FER: variants seen among roughly 807,000 people sequenced by gnomAD.
The protein encoded by FER is tyrosine-protein kinase Fer.
A neutral mutation model predicts 111.0 loss-of-function variants in FER; 63 were observed. The ratio of observed to expected loss-of-function variants is 0.57; its 90% CI spans 0.46 to 0.70. The LOEUF is 0.70. FER is among the 30% of genes least tolerant of loss of function. The probability of loss-of-function intolerance (pLI) is 0.00; values close to 1 mark genes in which losing one functional copy is unlikely to be tolerated. For synonymous variants in FER, 327 were observed against 313.9 expected (o/e 1.04, Z -0.44); for missense variants, 914 against 954.0 (o/e 0.96, Z 0.55).
intron 16 of FER, among the ~76,000 whole-genome samples, chr5:109,080,312 C>T (rs1776843115): frequency 6.6e-6 from 1 of 151,984 alleles, no homozygotes; most frequent in African/African-American, 2.4e-5. Context: ...AAGTGGCTTA[C>T]TAGTCTGTGC....
chr5:108,751,395 G>A (rs1437663624), intron 1 of FER, among the ~76,000 whole-genome samples: 1 of 152,120 alleles, frequency 6.6e-6, no homozygotes, highest in Non-Finnish European at 1.5e-5. Context: ...GAGGTAGGAA[G>A]TCATCATCTT....
chr5:109,128,747 GTTA>G (rs997382421), intron 17 of FER, among the ~76,000 whole-genome samples: 6 of 152,024 alleles, frequency 3.9e-5, no homozygotes, highest in Non-Finnish European at 8.8e-5. Flanking sequence ...ATTTAAATGA[GTTA>G]TTATTTTAAT....
intron 16 of FER, among the ~76,000 whole-genome samples, chr5:109,079,171 T>C (rs182965453): frequency 2.0e-5 from 3 of 152,274 alleles, no homozygotes; most frequent in Admixed American, 2.0e-4. Flanking sequence ...CAGACCTATT[T>C]TATCTTATTA....
intron 17 of FER, among the ~76,000 whole-genome samples, chr5:109,121,670 A>G (rs1582126293): frequency 6.6e-6 from 1 of 152,100 alleles, no homozygotes; most frequent in East Asian, 1.9e-4. Flanking sequence ...TTTCAGTAGG[A>G]TTAATATTTT....
At chr5:108,915,678 T>C (rs1412717431) in intron 10 of FER, among the ~76,000 whole-genome samples, 2 of 151,866 alleles carry the variant, frequency 1.3e-5, no homozygotes, top group Non-Finnish European at 2.9e-5. Context: ...AGTTTTTTGT[T>C]GCTAAGGCCA....
intron 13 of FER, among the ~76,000 whole-genome samples, chr5:109,002,320 A>T (rs982389707): frequency 1.3e-5 from 2 of 151,766 alleles, no homozygotes; most frequent in Non-Finnish European, 2.9e-5. Context: ...ATAACGCCGC[A>T]TATCTACAAC....
At chr5:108,887,545 T>G (rs1290561038) in intron 9 of FER, among the ~76,000 whole-genome samples, 3 of 151,526 alleles carry the variant, frequency 2.0e-5, no homozygotes, top group African/African-American at 7.3e-5. Flanking sequence ...ATGAAAGAAA[T>G]AAAACCAACC....
Position 109,082,479 on chromosome 5 carries a change from T to C in FER, c.1925-17917T>C, listed in dbSNP as rs541412982. On this transcript the variant is annotated intron_variant, in intron 16 of 19. Transcript: ENST00000281092. ...GAGACCCAGCCCAGGCCCTGACTTA[T>C]AGTACGTTGTTGGGAAAGTCAATTA... is the stretch of plus-strand genomic sequence containing the variant. 3.0e-4 allele frequency among the ~76,000 whole-genome samples: 45 copies of C among 152,182 alleles called. 1 individual carries two copies. The highest frequency in any genetic ancestry group is 8.3e-4 in the South Asian group (4 of 4,830).
chr5:108,991,183 G>A (rs564470806), intron 13 of FER, among the ~76,000 whole-genome samples: 1 of 151,880 alleles, frequency 6.6e-6, no homozygotes, highest in South Asian at 2.1e-4. Context: ...TATTAGCATA[G>A]CATGTCTGTC....
At chr5:108,755,642 C>T (rs1053795402) in intron 1 of FER, among the ~76,000 whole-genome samples, 4 of 151,792 alleles carry the variant, frequency 2.6e-5, no homozygotes, top group African/African-American at 7.3e-5. Flanking sequence ...TGCACCACCA[C>T]GCCCGGCTAA....
intron 17 of FER, among the ~76,000 whole-genome samples, chr5:109,104,295 C>T (rs566543440): frequency 6.6e-6 from 1 of 152,276 alleles, no homozygotes; most frequent in East Asian, 1.9e-4. Context: ...CAAATGTGGG[C>T]AGTTGACTAC....
chr5:109,057,590 GTCC>G (rs1296930960), intron 16 of FER, among the ~76,000 whole-genome samples: 5 of 152,146 alleles, frequency 3.3e-5, no homozygotes, highest in Non-Finnish European at 7.4e-5. Flanking sequence ...GGCACAAGCA[GTCC>G]TCCTGCCTCA....
At position 109,193,823 on chromosome 5, in the gene FER, G is replaced by A. The variant is rs546522632; in HGVS notation, c.*6248G>A. 1 of 152,166 alleles carries A rather than the reference G, an allele frequency of 6.6e-6. No homozygotes were observed. Among genetic ancestry groups the A allele is most frequent in the Non-Finnish European group, 1.5e-5 (1 of 68,010 alleles). The allele number at this position is 152,166 out of a possible 1,614,324, so 9.4% of individuals were successfully genotyped here. A position where few individuals can be genotyped will look rare whatever the true frequency, so the allele number is the denominator to read the frequency against. On this transcript the variant is annotated 3_prime_UTR_variant, in exon 20 of 20. Coordinates refer to ENST00000281092, the MANE Select transcript of FER (RefSeq NM_005246.4). ...ATCAAAGTTTCTCCTCAGGTACTTG[G>A]GGGCCCCTAGCCTTCTAAGGAACTC...
intron 16 of FER, chr5:109,051,654 A>G (rs1772847745): frequency 2.5e-6 from 4 of 1,577,844 alleles, no homozygotes; most frequent in African/African-American, 1.3e-5. Context: ...AGGAGCAGCC[A>G]TTGAAATAAG....
chr5:109,115,354 T>A (rs78971535), intron 17 of FER, among the ~76,000 whole-genome samples: 2,785 of 152,188 alleles, frequency 0.018, 79 homozygotes, highest in African/African-American at 0.063. Flanking sequence ...TGAAGGTGAC[T>A]CCTAGGTTTC....
At chr5:109,067,475 A>G (rs143728268) in intron 16 of FER, among the ~76,000 whole-genome samples, 154 of 152,108 alleles carry the variant, frequency 1.0e-3, no homozygotes, top group African/African-American at 3.4e-3. Flanking sequence ...AGACACATGC[A>G]TATACATCTT....
At chr5:108,831,009 G>A (rs757039211) in intron 3 of FER, among the ~76,000 whole-genome samples, 9 of 152,110 alleles carry the variant, frequency 5.9e-5, no homozygotes, top group Non-Finnish European at 1.3e-4. Flanking sequence ...TTGACAGAGT[G>A]GCAATATATG....
chr5:109,177,090 A>C (rs1010256386), intron 17 of FER, among the ~76,000 whole-genome samples: 1 of 151,044 alleles, frequency 6.6e-6, no homozygotes, highest in African/African-American at 2.4e-5. Flanking sequence ...AACATGTATC[A>C]GTGTATAAGT....
chr5:109,139,620 G>A (rs1753308226), intron 17 of FER, among the ~76,000 whole-genome samples: 1 of 151,918 alleles, frequency 6.6e-6, no homozygotes, highest in African/African-American at 2.4e-5. Context: ...TGCCCATTAA[G>A]ATTTAGAGGT....
Sources: gnomAD v4.1 joint callset for allele counts (sites outside exome capture counted in the v4.1 genomes callset) on GRCh38, gnomAD v4.1.1 for gene constraint, MANE v1.5 for transcripts, NCBI Gene and HGNC (gene_info 2026-07-23, HGNC 2026-07-21) for gene names.